Variants in DOCK3 observed in about 807,000 individuals in gnomAD.
The protein encoded by DOCK3 is dedicator of cytokinesis 3.
Under a neutral mutation model 265.6 loss-of-function variants are expected in DOCK3, and 60 were observed. The ratio of observed to expected loss-of-function variants is 0.23; its 90% CI spans 0.18 to 0.28. The LOEUF (loss-of-function observed/expected upper bound fraction) is 0.28, where lower values mean the gene tolerates loss of function less well. DOCK3 is among the 10% of genes least tolerant of loss of function. The pLI is 1.00. For synonymous variants in DOCK3, 881 were observed against 938.0 expected, an observed-to-expected ratio of 0.94 and a Z score of 1.11; for missense variants, 1,981 against 2,594.3, an observed-to-expected ratio of 0.76 and a Z score of 5.14.
chr3:51,114,267 AAGGAAG>A (rs1271498918), intron 9 of DOCK3, among the ~76,000 whole-genome samples: 46 of 152,218 alleles, frequency 3.0e-4, no homozygotes, highest in African/African-American at 1.1e-3. Context: ...ATGAAGGAAA[AAGGAAG>A]AAGACCTAGC....
chr3:50,746,019 G>A (rs1477382253), intron 1 of DOCK3, among the ~76,000 whole-genome samples: 1 of 151,708 alleles, frequency 6.6e-6, no homozygotes, highest in Non-Finnish European at 1.5e-5. Flanking sequence ...TATATACTTT[G>A]CAAAGATTTT....
intron 51 of DOCK3, among the ~76,000 whole-genome samples, chr3:51,378,326 G>A (rs1204541848): frequency 6.6e-6 from 1 of 152,182 alleles, no homozygotes; most frequent in African/African-American, 2.4e-5. Context: ...GGAAGAAGAG[G>A]ATGATGGATG....
At chr3:51,085,616 A>C (rs1421259421) in intron 7 of DOCK3, among the ~76,000 whole-genome samples, 1 of 152,230 alleles carries the variant, frequency 6.6e-6, no homozygotes, top group East Asian at 1.9e-4. Flanking sequence ...AACTTGCTTG[A>C]AACAAGTGAA....
chr3:50,714,736 T>G (rs1173148761), intron 1 of DOCK3, among the ~76,000 whole-genome samples: 1 of 152,196 alleles, frequency 6.6e-6, no homozygotes, highest in Non-Finnish European at 1.5e-5. Flanking sequence ...TGCACCCAGC[T>G]TCTAACTACC....
intron 9 of DOCK3, among the ~76,000 whole-genome samples, chr3:51,108,301 G>A (rs951503954): frequency 1.5e-4 from 23 of 152,108 alleles, no homozygotes; most frequent in Middle Eastern, 3.2e-3. Context: ...AGCTTCATAA[G>A]CAAAGGGGAA....
At chr3:50,709,794 C>T (rs976344555) in intron 1 of DOCK3, among the ~76,000 whole-genome samples, 23 of 152,108 alleles carry the variant, frequency 1.5e-4, no homozygotes, top group Non-Finnish European at 1.9e-4. Flanking sequence ...CCATTGCACT[C>T]CAGTCTGGGT....
At chr3:50,835,480 C>A (rs559527352) in intron 2 of DOCK3, among the ~76,000 whole-genome samples, 3 of 152,260 alleles carry the variant, frequency 2.0e-5, no homozygotes, top group East Asian at 1.9e-4. Flanking sequence ...TGACTATAAA[C>A]CATCTTTTGA....
chr3:51,356,181 G>A lies in DOCK3; in HGVS notation c.4342G>A (p.Val1448Ile), dbSNP rs757191962. ...AGATCGAGTCAAGAGCTTCTATCGC[G>A]TCAACAATGTGAGGAAGTTCCGGTA... ...VPDRVKSFYRVNNVRKFRYDR... is the reference protein window; with the variant it reads ...VPDRVKSFYRINNVRKFRYDR... Residue 1448 changes from valine (V) to isoleucine (I), a missense_variant, in exon 42 of 53, where the codon GTC becomes ATC. Around this residue, in one of 4 missense-constraint regions of DOCK3, gnomAD observed 1,357 missense variants for 1,866.8 expected, o/e 0.73. Transcript: ENST00000266037. 166 of 1,613,972 alleles carry A rather than the reference G, an allele frequency of 1.0e-4. No homozygotes were observed. Among genetic ancestry groups the A allele is most frequent in the Non-Finnish European group, 1.4e-4 (161 of 1,179,890 alleles).
intron 3 of DOCK3, among the ~76,000 whole-genome samples, chr3:50,888,620 G>T (rs1180850934): frequency 6.6e-6 from 1 of 152,108 alleles, no homozygotes; most frequent in African/African-American, 2.4e-5. Context: ...ATACTACAAG[G>T]CTACAGTAAC....
intron 9 of DOCK3, among the ~76,000 whole-genome samples, chr3:51,145,697 A>G (rs1036629028): frequency 5.9e-5 from 9 of 152,148 alleles, no homozygotes; most frequent in Non-Finnish European, 1.2e-4. Context: ...GACCCAGGGT[A>G]GCCAAAAGAT....
intron 2 of DOCK3, among the ~76,000 whole-genome samples, chr3:50,839,703 C>T (rs1245642057): frequency 8.9e-5 from 4 of 45,166 alleles, no homozygotes; most frequent in African/African-American, 9.4e-5. Context: ...TCTCCCCTCC[C>T]CTCCCCTCCC....
chr3:50,847,267 G>A (rs905020941), intron 3 of DOCK3, among the ~76,000 whole-genome samples: 2 of 152,136 alleles, frequency 1.3e-5, no homozygotes, highest in African/African-American at 4.8e-5. Context: ...AAATTTCCAT[G>A]TAATTATGTG....
intron 32 of DOCK3, among the ~76,000 whole-genome samples, chr3:51,326,583 T>TTTGTTGCTG (rs1324008430): frequency 3.5e-4 from 49 of 140,118 alleles, no homozygotes; most frequent in East Asian, 6.4e-4. Flanking sequence ...CCTGGCATGT[T>TTTGTTGCTG]TTGTTGTTGT....
chr3:51,008,719 G>T (rs1174787969), intron 5 of DOCK3, among the ~76,000 whole-genome samples: 1 of 152,140 alleles, frequency 6.6e-6, no homozygotes, highest in Non-Finnish European at 1.5e-5. Context: ...AATGCTTCCA[G>T]TTTTTGCCCA....
intron 19 of DOCK3, among the ~76,000 whole-genome samples, chr3:51,230,983 G>A (rs1189926984): frequency 6.6e-6 from 1 of 151,754 alleles, no homozygotes; most frequent in African/African-American, 2.4e-5. Context: ...AAGATTGCTG[G>A]GTCAAATGTT....
intron 5 of DOCK3, among the ~76,000 whole-genome samples, chr3:51,049,209 C>T (rs1401046191): frequency 4.6e-5 from 7 of 151,914 alleles, no homozygotes; most frequent in African/African-American, 1.7e-4. Flanking sequence ...GCGTGTAGTC[C>T]CAGCTACTCA....
intron 1 of DOCK3, among the ~76,000 whole-genome samples, chr3:50,776,289 AGGT>A (rs2041594669): frequency 6.6e-6 from 1 of 152,134 alleles, no homozygotes; most frequent in Non-Finnish European, 1.5e-5. Context: ...TTCTTGCAGA[AGGT>A]GGTGTCTTAT....
chr3:51,089,898 C>CAA lies in DOCK3; in HGVS notation c.592-310_592-309dup, dbSNP rs1166631932. On this transcript the variant is annotated intron_variant, in intron 8 of 52. Coordinates refer to ENST00000266037, the MANE Select transcript of DOCK3 (RefSeq NM_004947.5). ...TGGGTGACAGAGTGAGACTCTGTCT[C>CAA]AAAAAAAAAAAAAAAAAAAAAAAGG... 7.5e-3 allele frequency among the ~76,000 whole-genome samples: 303 copies of CAA among 40,522 alleles called. 3 individuals are homozygous for CAA. Among genetic ancestry groups the CAA allele is most frequent in the African/African-American group, 0.019 (197 of 10,262 alleles). 26.6% of individuals were successfully genotyped at this position (40,522 alleles called of 152,430 possible).
intron 1 of DOCK3, among the ~76,000 whole-genome samples, chr3:50,761,091 TA>T (rs35581752): frequency 0.095 from 14,294 of 149,930 alleles, 832 homozygotes; most frequent in Non-Finnish European, 0.12. Context: ...GATTCTTTAT[TA>T]AAAAAAAAAT....
Sources: allele counts gnomAD v4.1 joint callset (sites outside exome capture counted in the v4.1 genomes callset), GRCh38; gene constraint gnomAD v4.1.1; regional missense constraint gnomAD v4.1.1; transcripts MANE v1.5; gene names NCBI Gene and HGNC (gene_info 2026-07-23, HGNC 2026-07-21).